Variants in LHFPL6 observed in about 807,000 individuals in gnomAD.
The protein encoded by LHFPL6 is LHFPL tetraspan subfamily member 6 protein.
In LHFPL6, 9 loss-of-function variants were observed where a neutral mutation model predicts 20.6. The observed-to-expected ratio is 0.44, with a 90% CI of 0.26 to 0.76. The LOEUF is 0.76. Among genes scored for constraint, LHFPL6 ranks in the 30% least tolerant of loss-of-function variants. LHFPL6 has a pLI of 0.20. For synonymous variants in LHFPL6, 105 were observed against 98.7 expected (o/e 1.06, Z -0.38); for missense variants, 218 against 253.5 (o/e 0.86, Z 0.95).
At chr13:39,579,696 C>T (rs922201603) in intron 2 of LHFPL6, among the ~76,000 whole-genome samples, 4 of 152,072 alleles carry the variant, frequency 2.6e-5, no homozygotes, top group South Asian at 2.1e-4. Context: ...ATGAAAGCTC[C>T]GAAACCCCTC....
intron 2 of LHFPL6, among the ~76,000 whole-genome samples, chr13:39,397,249 CATAG>C (rs1197307515): frequency 2.0e-5 from 3 of 152,162 alleles, no homozygotes; most frequent in Non-Finnish European, 2.9e-5. Flanking sequence ...CAAGAAGAGA[CATAG>C]ATAGAGGCTC....
chr13:39,596,658 A>C (rs1340948221), intron 2 of LHFPL6, among the ~76,000 whole-genome samples: 5 of 148,082 alleles, frequency 3.4e-5, no homozygotes, highest in African/African-American at 4.9e-5. Flanking sequence ...CATAATTTAA[A>C]AAAAAAAAAA....
intron 3 of LHFPL6, among the ~76,000 whole-genome samples, chr13:39,346,240 G>T (rs1312080854): frequency 1.3e-5 from 2 of 152,116 alleles, no homozygotes; most frequent in African/African-American, 4.8e-5. Context: ...AGCAAAATTT[G>T]ATCAAGAGCC....
At chr13:39,567,029 G>GT (rs373103461) in intron 2 of LHFPL6, among the ~76,000 whole-genome samples, 58,243 of 122,644 alleles carry the variant, frequency 0.47, 12,165 homozygotes, top group South Asian at 0.62. Context: ...GTTAGCCAGG[G>GT]TTTTTTTTTT....
intron 2 of LHFPL6, among the ~76,000 whole-genome samples, chr13:39,549,288 A>C (rs1246007355): frequency 6.6e-6 from 1 of 152,186 alleles, no homozygotes; most frequent in Non-Finnish European, 1.5e-5. Context: ...ACAATCGTAC[A>C]TCCATATGCA....
intron 2 of LHFPL6, among the ~76,000 whole-genome samples, chr13:39,578,876 C>G (rs1332865479): frequency 6.6e-6 from 1 of 152,108 alleles, no homozygotes; most frequent in African/African-American, 2.4e-5. Flanking sequence ...ATGGATAAGT[C>G]AACATTCAAA....
chr13:39,597,813 T>A (rs1045891534), intron 2 of LHFPL6, among the ~76,000 whole-genome samples: 2 of 152,378 alleles, frequency 1.3e-5, no homozygotes, highest in East Asian at 3.9e-4. Flanking sequence ...AGCTGACATT[T>A]TAACCTCTAA....
chr13:39,562,180 A>G (rs1871504025), intron 2 of LHFPL6, among the ~76,000 whole-genome samples: 1 of 151,982 alleles, frequency 6.6e-6, no homozygotes. Context: ...TCATTCCTCT[A>G]GGTAGGAATA....
At chr13:39,585,755 C>G (rs1872429799) in intron 2 of LHFPL6, among the ~76,000 whole-genome samples, 1 of 152,176 alleles carries the variant, frequency 6.6e-6, no homozygotes, top group Admixed American at 6.5e-5. Flanking sequence ...TCTTAGCCTC[C>G]TTTGGTTCTG....
rs996344373 is a variant in LHFPL6, at chr13:39,360,330, T to A, written c.485-16276A>T. On this transcript the variant is annotated intron_variant, in intron 3 of 3. Transcript: ENST00000379589. ...CACTGTGCCCAGCCAAGACATTTTT[T>A]AAAGACTCCCTTCATCTTTTTTGTT... Among the ~76,000 whole-genome samples the A allele has an allele frequency of 9.2e-5, 9 of 98,150 alleles. 2 individuals carry two copies. Among genetic ancestry groups the A allele is most frequent in the African/African-American group, 2.7e-4 (9 of 33,508 alleles). The allele number at this position is 98,150 out of a possible 152,430, so 64.4% of individuals were successfully genotyped here. A position where few individuals can be genotyped will look rare whatever the true frequency, so the allele number is the denominator to read the frequency against.
chr13:39,517,600 G>A (rs4943673), intron 2 of LHFPL6, among the ~76,000 whole-genome samples: 36,135 of 152,062 alleles, frequency 0.24, 4,555 homozygotes, highest in African/African-American at 0.33. Flanking sequence ...AAAATCCCTA[G>A]AAGTTGTCCT....
intron 2 of LHFPL6, among the ~76,000 whole-genome samples, chr13:39,574,205 G>T (rs191105993): frequency 6.6e-6 from 1 of 152,166 alleles, no homozygotes; most frequent in Admixed American, 6.5e-5. Context: ...AAACAAGGCC[G>T]GGCGCGGTGG....
At chr13:39,565,279 C>T (rs1399273949) in intron 2 of LHFPL6, among the ~76,000 whole-genome samples, 2 of 151,786 alleles carry the variant, frequency 1.3e-5, no homozygotes, top group Non-Finnish European at 2.9e-5. Flanking sequence ...AAAAAAAAAT[C>T]CAGTACAGTT....
chr13:39,349,927 A>T (rs1869513501), intron 3 of LHFPL6, among the ~76,000 whole-genome samples: 1 of 152,190 alleles, frequency 6.6e-6, no homozygotes, highest in Admixed American at 6.5e-5. Context: ...AAAGCAAGGG[A>T]TGGGTTTGGG....
chr13:39,459,193 AATGTGTGT>A (rs1332547392), intron 2 of LHFPL6, among the ~76,000 whole-genome samples: 1 of 76,846 alleles, frequency 1.3e-5, no homozygotes, highest in African/African-American at 5.0e-5. Flanking sequence ...CAAGTTCCTT[AATGTGTGT>A]GTGTGTGTGT....
intron 3 of LHFPL6, 104 bp downstream of exon 3, chr13:39,378,324 C>A (rs1566097588): frequency 1.3e-6 from 1 of 787,654 alleles, no homozygotes; most frequent in Non-Finnish European, 2.2e-6. Flanking sequence ...GCTGTAATAC[C>A]CAGGGAGGTT....
At chr13:39,486,034 G>A (rs1868714135) in intron 2 of LHFPL6, among the ~76,000 whole-genome samples, 1 of 152,114 alleles carries the variant, frequency 6.6e-6, no homozygotes, top group African/African-American at 2.4e-5. Flanking sequence ...AACCTGCTCA[G>A]GGCCACAAAG....
At chr13:39,583,292 C>T (rs547517323) in intron 2 of LHFPL6, among the ~76,000 whole-genome samples, 2 of 151,834 alleles carry the variant, frequency 1.3e-5, no homozygotes, top group African/African-American at 4.8e-5. Flanking sequence ...CCCCCCTCAG[C>T]CCCCTGAGTA....
intron 2 of LHFPL6, among the ~76,000 whole-genome samples, chr13:39,381,633 C>T (rs2138362728): frequency 2.6e-5 from 4 of 152,148 alleles, no homozygotes; most frequent in Admixed American, 2.6e-4. Context: ...CAAGATAATG[C>T]CAGCCAGACT....
Sources: allele counts gnomAD v4.1 joint callset (sites outside exome capture counted in the v4.1 genomes callset), GRCh38; gene constraint gnomAD v4.1.1; transcripts MANE v1.5; gene names NCBI Gene and HGNC (gene_info 2026-07-23, HGNC 2026-07-21).